SH3PXD2A: variants seen among roughly 807,000 people sequenced by gnomAD.
SH3PXD2A encodes SH3 and PX domain-containing protein 2A.
SH3PXD2A carries 32 observed loss-of-function variants against 115.2 expected under a neutral mutation model. The ratio of observed to expected loss-of-function variants is 0.28; its 90% CI spans 0.21 to 0.37. SH3PXD2A has a LOEUF of 0.37. Among genes scored for constraint, SH3PXD2A ranks in the 10% least tolerant of loss-of-function variants. The pLI, the probability that SH3PXD2A is intolerant of heterozygous loss-of-function variation, is 1.00. For missense variants in SH3PXD2A, 1,328 were observed against 1,498.7 expected, an observed-to-expected ratio of 0.89 and a Z score of 1.88; for synonymous variants, 610 against 629.1, an observed-to-expected ratio of 0.97 and a Z score of 0.45.
At chr10:103,774,751 A>G (rs575447974) in intron 2 of SH3PXD2A, among the ~76,000 whole-genome samples, 1 of 152,184 alleles carries the variant, frequency 6.6e-6, no homozygotes, top group African/African-American at 2.4e-5. Context: ...GATCTATGGA[A>G]AGTCCTAGGT....
intron 10 of SH3PXD2A, among the ~76,000 whole-genome samples, chr10:103,618,157 T>G (rs898178283): frequency 3.3e-5 from 5 of 152,144 alleles, no homozygotes; most frequent in Non-Finnish European, 5.9e-5. Flanking sequence ...CCCGAGGTGC[T>G]GGGAAAGAAG....
chr10:103,678,759 G>A (rs1430782605), intron 6 of SH3PXD2A, among the ~76,000 whole-genome samples: 1 of 152,188 alleles, frequency 6.6e-6, no homozygotes, highest in Non-Finnish European at 1.5e-5. Context: ...CCTGGCTGCA[G>A]GACAGTGATC....
At chr10:103,605,950 C>G (rs756713372) in intron 13 of SH3PXD2A, 33 bp from the exon 14 acceptor site, 1 of 1,609,300 alleles carries the variant, frequency 6.2e-7, no homozygotes, top group Non-Finnish European at 8.5e-7. Flanking sequence ...GGGCAAAACC[C>G]GCCTAAATCA....
chr10:103,648,528 C>A (rs1035505977), intron 8 of SH3PXD2A, among the ~76,000 whole-genome samples: 1 of 152,216 alleles, frequency 6.6e-6, no homozygotes, highest in Non-Finnish European at 1.5e-5. Context: ...GAGAGACACC[C>A]TCGCTCACTT....
At chr10:103,684,550 A>G (rs1464661796) in intron 6 of SH3PXD2A, among the ~76,000 whole-genome samples, 1 of 151,778 alleles carries the variant, frequency 6.6e-6, no homozygotes, top group Admixed American at 6.6e-5. Flanking sequence ...AGTAGAGACG[A>G]GGTTTCATCA....
chr10:103,649,796 A>C (rs1370158160), intron 8 of SH3PXD2A, among the ~76,000 whole-genome samples: 1 of 152,222 alleles, frequency 6.6e-6, no homozygotes, highest in African/African-American at 2.4e-5. Context: ...TCATGTCCAG[A>C]AACACCAGAG....
intron 2 of SH3PXD2A, among the ~76,000 whole-genome samples, chr10:103,768,251 C>T (rs1051560693): frequency 1.3e-5 from 2 of 152,092 alleles, no homozygotes; most frequent in Non-Finnish European, 2.9e-5. Flanking sequence ...ATCAGTGCTG[C>T]GGAGGAAAAT....
chr10:103,705,301 G>A (rs1263191760), intron 5 of SH3PXD2A, among the ~76,000 whole-genome samples: 2 of 152,232 alleles, frequency 1.3e-5, no homozygotes, highest in Admixed American at 6.5e-5. Flanking sequence ...AGGGAAGGGC[G>A]GGCGTGGGCC....
intron 3 of SH3PXD2A, among the ~76,000 whole-genome samples, chr10:103,738,727 A>G (rs1477023269): frequency 2.6e-5 from 4 of 152,144 alleles, no homozygotes; most frequent in Non-Finnish European, 4.4e-5. Context: ...CCAGCCCCCA[A>G]TCTCAAGGTT....
chr10:103,733,813 C>G (rs917696112), intron 4 of SH3PXD2A, among the ~76,000 whole-genome samples: 6 of 151,814 alleles, frequency 4.0e-5, no homozygotes, highest in Admixed American at 3.9e-4. Flanking sequence ...TCCCTGTTAC[C>G]CAGGCTAGAG....
chr10:103,645,929 A>G (rs959954944), intron 8 of SH3PXD2A, among the ~76,000 whole-genome samples: 1 of 152,238 alleles, frequency 6.6e-6, no homozygotes, highest in Non-Finnish European at 1.5e-5. Flanking sequence ...CAGAGTGTAC[A>G]GGGGAGAACT....
intron 2 of SH3PXD2A, among the ~76,000 whole-genome samples, chr10:103,780,943 T>C (rs1382344477): frequency 2.0e-5 from 3 of 152,114 alleles, no homozygotes; most frequent in African/African-American, 7.2e-5. Flanking sequence ...CTGACCTCTC[T>C]AGTCACACGC....
At chr10:103,839,968 G>C (rs1025907748) in intron 1 of SH3PXD2A, among the ~76,000 whole-genome samples, 4 of 152,264 alleles carry the variant, frequency 2.6e-5, no homozygotes. Context: ...CTGGTCAGCA[G>C]GGCAGGCTCC....
intron 1 of SH3PXD2A, among the ~76,000 whole-genome samples, chr10:103,840,301 C>T (rs2039584836): frequency 6.6e-6 from 1 of 152,208 alleles, no homozygotes; most frequent in African/African-American, 2.4e-5. Flanking sequence ...TAGCTTCCAC[C>T]AATAAACACA....
At chr10:103,770,680 C>T (rs1291851178) in intron 2 of SH3PXD2A, among the ~76,000 whole-genome samples, 1 of 152,146 alleles carries the variant, frequency 6.6e-6, no homozygotes, top group East Asian at 1.9e-4. Flanking sequence ...AGCTGTGCTT[C>T]CATTTTCCGT....
chr10:103,734,441 C>T (rs2038357285), intron 4 of SH3PXD2A, among the ~76,000 whole-genome samples: 1 of 152,184 alleles, frequency 6.6e-6, no homozygotes, highest in Admixed American at 6.5e-5. Flanking sequence ...GAACGAGACC[C>T]TGTCTCAAAA....
chr10:103,684,339 G>C (rs1000526173), intron 6 of SH3PXD2A, among the ~76,000 whole-genome samples: 5 of 151,134 alleles, frequency 3.3e-5, no homozygotes, highest in African/African-American at 1.2e-4. Flanking sequence ...GAGGAGAATA[G>C]AGGAACTTTT....
At chr10:103,852,391 A>T (rs1461461717) in intron 1 of SH3PXD2A, among the ~76,000 whole-genome samples, 1 of 152,268 alleles carries the variant, frequency 6.6e-6, no homozygotes, top group Non-Finnish European at 1.5e-5. Flanking sequence ...AGCACTCTGG[A>T]GCCAGCAGAG....
At chr10:103,848,803 A>G (rs866869625) in intron 1 of SH3PXD2A, among the ~76,000 whole-genome samples, 1 of 152,158 alleles carries the variant, frequency 6.6e-6, no homozygotes, top group Non-Finnish European at 1.5e-5. Flanking sequence ...TCCTCTGAAC[A>G]GCTTCAGGAC....
Sources: gnomAD v4.1 joint callset for allele counts (sites outside exome capture counted in the v4.1 genomes callset) on GRCh38, gnomAD v4.1.1 for gene constraint, MANE v1.5 for transcripts, NCBI Gene and HGNC (gene_info 2026-07-23, HGNC 2026-07-21) for gene names.